EYA1: variants seen among roughly 807,000 people sequenced by gnomAD.
EYA1 encodes protein phosphatase EYA1.
A neutral mutation model predicts 82.0 loss-of-function variants in EYA1; 16 were observed. The ratio of observed to expected loss-of-function variants is 0.20; its 90% CI spans 0.13 to 0.30. The LOEUF is 0.30. Among genes scored for constraint, EYA1 ranks in the 10% least tolerant of loss-of-function variants. The probability of loss-of-function intolerance (pLI) is 1.00; values close to 1 mark genes in which losing one functional copy is unlikely to be tolerated. For synonymous variants in EYA1, 261 were observed against 264.4 expected (o/e 0.99, Z 0.12); for missense variants, 633 against 730.7 (o/e 0.87, Z 1.54).
At chr8:71,502,870 C>T (rs926107006) in intron 2 of EYA1, among the ~76,000 whole-genome samples, 1 of 152,202 alleles carries the variant, frequency 6.6e-6, no homozygotes, top group Non-Finnish European at 1.5e-5. Context: ...CTGAGTATAT[C>T]TCATTACTGG....
intron 11 of EYA1, among the ~76,000 whole-genome samples, chr8:71,258,380 T>C (rs1409819126): frequency 1.3e-5 from 2 of 152,214 alleles, no homozygotes; most frequent in Non-Finnish European, 2.9e-5. Flanking sequence ...GTGTGCAACT[T>C]GAGAAGGGTG....
At chr8:71,547,196 A>T (rs1288222099) in intron 1 of EYA1, among the ~76,000 whole-genome samples, 1 of 152,244 alleles carries the variant, frequency 6.6e-6, no homozygotes. Context: ...GGCCTGGGCC[A>T]GAAAGCGCTA....
chr8:71,379,548 G>A (rs999459855), intron 2 of EYA1, among the ~76,000 whole-genome samples: 1 of 152,160 alleles, frequency 6.6e-6, no homozygotes. Flanking sequence ...TTGCTACAGT[G>A]TGCCTGGAAG....
chr8:71,213,063 A>G (rs1808719104), intron 16 of EYA1, among the ~76,000 whole-genome samples: 1 of 152,052 alleles, frequency 6.6e-6, no homozygotes, highest in African/African-American at 2.4e-5. Flanking sequence ...ACAAGACTCC[A>G]TGTCAAAAGA....
intron 16 of EYA1, 35 bp from the exon 17 acceptor site, chr8:71,211,291 G>T: frequency 7.0e-7 from 1 of 1,426,294 alleles, no homozygotes; most frequent in Non-Finnish European, 9.9e-7. Context: ...AAAATGTGAA[G>T]TTTGGGTAAC....
At chr8:71,480,391 A>G (rs1810044551) in intron 2 of EYA1, among the ~76,000 whole-genome samples, 1 of 152,218 alleles carries the variant, frequency 6.6e-6, no homozygotes, top group Non-Finnish European at 1.5e-5. Context: ...TTTATACAAC[A>G]GTACAAAAGT....
intron 2 of EYA1, among the ~76,000 whole-genome samples, chr8:71,374,463 T>G (rs1171279236): frequency 1.3e-5 from 2 of 152,156 alleles, no homozygotes; most frequent in Non-Finnish European, 2.9e-5. Flanking sequence ...GGACGTCCGT[T>G]ACCAAAAAGT....
intron 12 of EYA1, among the ~76,000 whole-genome samples, chr8:71,235,062 C>T (rs1240160792): frequency 1.3e-5 from 2 of 152,142 alleles, no homozygotes; most frequent in Admixed American, 1.3e-4. Flanking sequence ...TAAAAGGATA[C>T]TGTAAGTCCT....
At chr8:71,285,712 A>C (rs1174888026) in intron 9 of EYA1, among the ~76,000 whole-genome samples, 4 of 152,212 alleles carry the variant, frequency 2.6e-5, no homozygotes, top group Non-Finnish European at 4.4e-5. Context: ...TTTTGTGCAA[A>C]TATTAACCAA....
chr8:71,360,896 T>C (rs1462955455), intron 1 of EYA1, among the ~76,000 whole-genome samples: 1 of 152,154 alleles, frequency 6.6e-6, no homozygotes, highest in East Asian at 1.9e-4. Flanking sequence ...CAAAACCTCC[T>C]CCCAATAAAT....
chr8:71,454,156 G>C (rs573684580), intron 2 of EYA1, among the ~76,000 whole-genome samples: 4 of 152,040 alleles, frequency 2.6e-5, no homozygotes, highest in Non-Finnish European at 5.9e-5. Flanking sequence ...AACCAACAAA[G>C]ATCAAAAGAG....
rs1819982139 is a variant in EYA1 at position 71,299,654 on chromosome 8, A to T, written c.623T>A (p.Phe208Tyr). Residue 208 changes from phenylalanine to tyrosine, a missense_variant, in exon 8 of 18, where the codon TTT becomes TAT. Phe to Tyr is a conservative substitution (Grantham distance 22). Coordinates refer to ENST00000340726, the MANE Select transcript of EYA1 (RefSeq NM_000503.6). ...GNNSLTNSSG[F>Y]NSSQQDYPSY... is the part of the protein sequence containing the mutation. ...TTAAATTACCTGCTGTGAACTATTA[A>T]ATCCAGAGGAATTTGTGAGTGAATT... 6.3e-7 allele frequency: 1 copy of T among 1,584,904 alleles called. No homozygotes were observed. The highest frequency in any genetic ancestry group is 1.7e-5 in the Admixed American group (1 of 59,954).
At chr8:71,447,575 A>G (rs1302580627) in intron 2 of EYA1, among the ~76,000 whole-genome samples, 1 of 152,192 alleles carries the variant, frequency 6.6e-6, no homozygotes, top group Non-Finnish European at 1.5e-5. Context: ...TTGATAATTC[A>G]TTGCCACTGA....
intron 4 of EYA1, among the ~76,000 whole-genome samples, chr8:71,331,220 C>T (rs1025014689): frequency 6.7e-6 from 1 of 149,846 alleles, no homozygotes; most frequent in South Asian, 2.1e-4. Context: ...CAGAGTGAGA[C>T]TCTGTCTCTA....
At chr8:71,375,668 G>A (rs1828331149) in intron 2 of EYA1, among the ~76,000 whole-genome samples, 1 of 152,030 alleles carries the variant, frequency 6.6e-6, no homozygotes, top group East Asian at 1.9e-4. Flanking sequence ...TGTTCTTGTC[G>A]TCCAGGCTGG....
upstream of EYA1, chr8:71,362,155 CTTTT>C (rs35320129): frequency 2.4e-3 from 1,998 of 821,148 alleles, no homozygotes; most frequent in African/African-American, 2.6e-3. Flanking sequence ...TCGGGGCTTT[CTTTT>C]TTTTTTTTTT....
At chr8:71,385,558 A>G (rs1828929183) in intron 2 of EYA1, among the ~76,000 whole-genome samples, 2 of 152,326 alleles carry the variant, frequency 1.3e-5, no homozygotes, top group South Asian at 2.1e-4. Context: ...CTTTCCCACA[A>G]GTATCTCACT....
chr8:71,490,811 G>GT (rs1259537386), intron 2 of EYA1, among the ~76,000 whole-genome samples: 1 of 152,208 alleles, frequency 6.6e-6, no homozygotes, highest in Non-Finnish European at 1.5e-5. Flanking sequence ...AAGGTTGGTT[G>GT]TAACATGTTA....
At chr8:71,342,276 T>C (rs1825225750) in intron 3 of EYA1, among the ~76,000 whole-genome samples, 1 of 152,184 alleles carries the variant, frequency 6.6e-6, no homozygotes, top group Non-Finnish European at 1.5e-5. Context: ...CCTCCACAGT[T>C]TGGCTCCAAC....
Sources: gnomAD v4.1 joint callset for allele counts (sites outside exome capture counted in the v4.1 genomes callset) on GRCh38, gnomAD v4.1.1 for gene constraint, MANE v1.5 for transcripts, NCBI Gene and HGNC (gene_info 2026-07-23, HGNC 2026-07-21) for gene names.